The following RABGAP1L variants were observed in gnomAD, a reference collection of about 807,000 sequenced individuals.
The protein encoded by RABGAP1L is RAB GTPase activating protein 1 like.
RABGAP1L carries 63 observed loss-of-function variants against 137.7 expected under a neutral mutation model. That is an observed-to-expected ratio of 0.46 (90% confidence interval 0.37 to 0.56). The LOEUF is 0.56. Among genes scored for constraint, RABGAP1L ranks in the 20% least tolerant of loss-of-function variants. The pLI is 0.00. For missense variants in RABGAP1L, 1,095 were observed against 1,244.0 expected (o/e 0.88, Z 1.80); for synonymous variants, 431 against 433.7 (o/e 0.99, Z 0.08).
intron 13 of RABGAP1L, among the ~76,000 whole-genome samples, chr1:174,519,592 A>G (rs1356629372): frequency 1.3e-5 from 2 of 152,184 alleles, no homozygotes; most frequent in Non-Finnish European, 2.9e-5. Context: ...GCATCCTTCA[A>G]TCCAGTCATG....
chr1:174,269,979 C>T (rs1207942636), intron 7 of RABGAP1L, among the ~76,000 whole-genome samples: 4 of 152,176 alleles, frequency 2.6e-5, no homozygotes, highest in African/African-American at 7.2e-5. Context: ...ATTTCTGACA[C>T]ATTATTCCTA....
At chr1:174,770,289 A>G (rs1686014160) in intron 18 of RABGAP1L, among the ~76,000 whole-genome samples, 1 of 152,268 alleles carries the variant, frequency 6.6e-6, no homozygotes, top group Admixed American at 6.5e-5. Context: ...GCTAAAACAA[A>G]CCAACAAACA....
intron 13 of RABGAP1L, among the ~76,000 whole-genome samples, chr1:174,532,046 A>G (rs74126824): frequency 0.035 from 5,256 of 152,160 alleles, 119 homozygotes; most frequent in Middle Eastern, 0.088. Flanking sequence ...AAAGGAAGAC[A>G]TAAGATATAG....
At chr1:174,891,923 T>C (rs1015091835) in intron 19 of RABGAP1L, among the ~76,000 whole-genome samples, 1 of 152,118 alleles carries the variant, frequency 6.6e-6, no homozygotes, top group Non-Finnish European at 1.5e-5. Flanking sequence ...AATACAGAAG[T>C]TACTCATAAG....
chr1:174,967,117 CT>C (rs1669700367), intron 20 of RABGAP1L, among the ~76,000 whole-genome samples: 1 of 151,288 alleles, frequency 6.6e-6, no homozygotes. Flanking sequence ...TTTTTCCCCC[CT>C]ACAAGGAAGG....
intron 13 of RABGAP1L, among the ~76,000 whole-genome samples, chr1:174,632,685 C>T (rs1399638356): frequency 1.2e-4 from 18 of 148,908 alleles, no homozygotes; most frequent in East Asian, 2.0e-4. Flanking sequence ...TTGATCGCAT[C>T]GGCTCCTGAG....
chr1:174,771,921 C>T (rs1040021931), intron 18 of RABGAP1L, among the ~76,000 whole-genome samples: 10 of 152,348 alleles, frequency 6.6e-5, no homozygotes, highest in African/African-American at 1.4e-4. Flanking sequence ...TCTTCACGGC[C>T]GGGCACATTG....
intron 13 of RABGAP1L, among the ~76,000 whole-genome samples, chr1:174,581,729 C>CA: frequency 6.6e-6 from 1 of 151,812 alleles, no homozygotes. Flanking sequence ...ATTTTTTAAA[C>CA]AAAAAGATTA....
intron 1 of RABGAP1L, among the ~76,000 whole-genome samples, chr1:174,182,026 A>G (rs950845329): frequency 1.3e-5 from 2 of 152,262 alleles, no homozygotes; most frequent in Non-Finnish European, 2.9e-5. Context: ...TTTGACAGTT[A>G]CAGTGGTTAG....
chr1:174,826,048 C>G (rs1691533433), intron 19 of RABGAP1L, among the ~76,000 whole-genome samples: 1 of 152,136 alleles, frequency 6.6e-6, no homozygotes, highest in Admixed American at 6.5e-5. Flanking sequence ...TGGCTACTTC[C>G]TGCCTCCCTC....
chr1:174,189,150 C>T lies in RABGAP1L; in HGVS notation c.-34+29493C>T, dbSNP rs143848285. On this transcript the variant is annotated intron_variant, in intron 1 of 25. Transcript: ENST00000681986. ...CCTCCCGAGTAGCTGGGACTACAGG[C>T]GCCTGCCACCACACCTGGCTAATTT... Among the ~76,000 whole-genome samples, 115 of 152,188 alleles carry T rather than the reference C, an allele frequency of 7.6e-4. 1 individual carries two copies. The highest frequency in any genetic ancestry group is 2.4e-3 in the African/African-American group (100 of 41,514).
intron 1 of RABGAP1L, among the ~76,000 whole-genome samples, chr1:174,170,708 G>C (rs1022230978): frequency 5.3e-5 from 8 of 150,252 alleles, no homozygotes; most frequent in Non-Finnish European, 1.0e-4. Flanking sequence ...CGTAGCTTGT[G>C]AGAGGCAGTT....
intron 13 of RABGAP1L, among the ~76,000 whole-genome samples, chr1:174,473,155 C>T (rs1171156461): frequency 6.6e-6 from 1 of 152,096 alleles, no homozygotes; most frequent in Non-Finnish European, 1.5e-5. Flanking sequence ...AGCCATGGAA[C>T]ATAATTTTAG....
At chr1:174,202,197 C>G (rs1668162024) in intron 1 of RABGAP1L, among the ~76,000 whole-genome samples, 1 of 151,994 alleles carries the variant, frequency 6.6e-6, no homozygotes, top group Non-Finnish European at 1.5e-5. Flanking sequence ...AATGGTATTT[C>G]TAGTTCTAGA....
chr1:174,273,803 G>A (rs1291674272), intron 8 of RABGAP1L, among the ~76,000 whole-genome samples: 1 of 152,052 alleles, frequency 6.6e-6, no homozygotes, highest in Non-Finnish European at 1.5e-5. Context: ...AAACTTCTGA[G>A]GCCCCTTCAC....
chr1:174,665,552 T>A (rs1676734162), intron 14 of RABGAP1L, among the ~76,000 whole-genome samples: 1 of 151,608 alleles, frequency 6.6e-6, no homozygotes, highest in South Asian at 2.1e-4. Context: ...GCCTCCTGGA[T>A]TCAAGCAATT....
chr1:174,248,246 A>G (rs1261362625), intron 5 of RABGAP1L, among the ~76,000 whole-genome samples: 1 of 152,166 alleles, frequency 6.6e-6, no homozygotes, highest in African/African-American at 2.4e-5. Flanking sequence ...ATTCAACTTA[A>G]TATTTGCTGG....
chr1:174,788,955 C>T (rs1687656248), intron 18 of RABGAP1L, among the ~76,000 whole-genome samples: 1 of 152,120 alleles, frequency 6.6e-6, no homozygotes, highest in Non-Finnish European at 1.5e-5. Flanking sequence ...CTCAGGCCAT[C>T]CTCTCTCTTC....
chr1:174,850,170 T>C (rs1648031861), intron 19 of RABGAP1L: 1 of 426,906 alleles, frequency 2.3e-6, no homozygotes, highest in South Asian at 1.9e-5. Context: ...AGCCCCCATC[T>C]CCTCATAACA....
Sources: gnomAD v4.1 joint callset for allele counts (sites outside exome capture counted in the v4.1 genomes callset) on GRCh38, gnomAD v4.1.1 for gene constraint, MANE v1.5 for transcripts, NCBI Gene and HGNC (gene_info 2026-07-23, HGNC 2026-07-21) for gene names.